Variants in DNAJA3 observed in about 807,000 individuals in gnomAD.
DNAJA3 encodes the protein dnaJ homolog subfamily A member 3, mitochondrial.
In DNAJA3, 29 loss-of-function variants were observed where a neutral mutation model predicts 54.9. The observed-to-expected ratio is 0.53, with a 90% CI of 0.39 to 0.72. The LOEUF is 0.72. Among genes scored for constraint, DNAJA3 ranks in the 30% least tolerant of loss-of-function variants. DNAJA3 has a pLI of 0.00. For synonymous variants in DNAJA3, 302 were observed against 251.4 expected (o/e 1.20, Z -1.90); for missense variants, 708 against 639.4 (o/e 1.11, Z -1.16).
At chr16:4,441,667 A>G in intron 4 of DNAJA3, 92 bp downstream of exon 4, 3 of 1,357,912 alleles carry the variant, frequency 2.2e-6, no homozygotes, top group Non-Finnish European at 3.0e-6. Context: ...CAGAAAGGCA[A>G]GGCAGCTTAA....
At chr16:4,448,939 T>C in intron 9 of DNAJA3, 91 bp downstream of exon 9, 1 of 903,368 alleles carries the variant, frequency 1.1e-6, no homozygotes, top group South Asian at 1.4e-5. Context: ...TACTGCTCCC[T>C]GTAAGTCAGG....
At chr16:4,453,965 G>A (rs905445923) in intron 10 of DNAJA3, among the ~76,000 whole-genome samples, 8 of 152,210 alleles carry the variant, frequency 5.3e-5, no homozygotes, top group Non-Finnish European at 1.0e-4. Context: ...CAACAAAAGT[G>A]TGCACTCCTT....
At chr16:4,443,913 C>T (rs1314789255) in intron 6 of DNAJA3, among the ~76,000 whole-genome samples, 1 of 152,190 alleles carries the variant, frequency 6.6e-6, no homozygotes, top group Non-Finnish European at 1.5e-5. Context: ...GTCTCGATCT[C>T]CTGACCTCGT....
chr16:4,441,587 A>G lies in DNAJA3; in HGVS notation c.630+12A>G. 1 of 1,611,592 alleles carries G rather than the reference A, an allele frequency of 6.2e-7. No individual in the cohort carries two copies. Among genetic ancestry groups the G allele is most frequent in the Non-Finnish European group, 8.5e-7 (1 of 1,179,158 alleles). The stretch of plus-strand genomic sequence containing the variant: ...ATCAGCCTCAGGAAGTAAGTTCCTC[A>G]CTTGGAAGAATTATTCAAATTTTAG... On this transcript the variant is annotated intron_variant, in intron 4 of 11. Coordinates refer to ENST00000262375, the MANE Select transcript of DNAJA3 (RefSeq NM_005147.6).
intron 6 of DNAJA3, 33 bp downstream of exon 6, chr16:4,443,197 T>C (rs1232509160): frequency 1.7e-5 from 28 of 1,612,174 alleles, no homozygotes; most frequent in Non-Finnish European, 2.2e-5. Flanking sequence ...TCCAGGAGCT[T>C]GGAGAGGGCA....
intron 2 of DNAJA3, among the ~76,000 whole-genome samples, chr16:4,436,802 C>G (rs1286698058): frequency 6.6e-6 from 1 of 152,188 alleles, no homozygotes; most frequent in Non-Finnish European, 1.5e-5. Context: ...TCTCAAAGTG[C>G]TGGGATAACA....
chr16:4,442,397 C>T lies in DNAJA3; in HGVS notation c.760C>T (p.His254Tyr), dbSNP rs1321986795. The T allele has an allele frequency of 6.2e-7, 1 of 1,606,168 alleles. No individual in the cohort carries two copies. Among genetic ancestry groups the T allele is most frequent in the Non-Finnish European group, 8.5e-7 (1 of 1,175,908 alleles). ...NEPGTKVQHC[H>Y]YCGGSGMETI... ...GCCCGGCACCAAGGTGCAGCATTGC[C>T]ACTACTGTGGCGGCTCCGGCATGGT... is the stretch of plus-strand genomic sequence containing the variant. Residue 254 changes from histidine (H) to tyrosine (Y), a missense_variant, in exon 5 of 12, where the codon CAC becomes TAC. Physicochemically the swap from His to Tyr is moderately conservative, Grantham distance 83. Coordinates refer to ENST00000262375, the MANE Select transcript of DNAJA3 (RefSeq NM_005147.6).
At position 4,450,461 on chromosome 16, in the gene DNAJA3, G is replaced by T; in HGVS notation, c.1303G>T (p.Glu435Ter). The stretch of plus-strand genomic sequence containing the variant: ...CTACGCCGAGGACGAGACAGATGTG[G>T]AGGGGACGGTGAACGGCGTCACCCT... ...LSYAEDETDV[E>*]GTVNGVTLTS... The change falls in exon 10 of 12, where the codon GAG becomes TAG. Residue 435 changes from glutamate (E) to a stop codon, truncating the protein, a stop_gained. Transcript: ENST00000262375. LOFTEE classifies it high-confidence loss of function. The T allele has an allele frequency of 6.2e-7, 1 of 1,612,166 alleles. No homozygotes were observed. The highest frequency in any genetic ancestry group is 8.5e-7 in the Non-Finnish European group (1 of 1,179,346).
chr16:4,435,638 A>T (rs1207891071), intron 2 of DNAJA3, among the ~76,000 whole-genome samples: 1 of 152,166 alleles, frequency 6.6e-6, no homozygotes, highest in Non-Finnish European at 1.5e-5. Context: ...TTCAGGGTTC[A>T]TCTGTGTTAT....
Position 4,426,042 on chromosome 16 carries a change from C to T in DNAJA3, c.161C>T (p.Ser54Phe), listed in dbSNP as rs1478892541. The change falls in exon 1 of 12, where the codon TCT becomes TTT. Residue 54 changes from serine to phenylalanine, a missense_variant. By Grantham distance (155) the Ser-to-Phe change is radical. Transcript: ENST00000262375. ...SVPAFASSLT[S>F]CGPRALLTLR... is the part of the protein sequence containing the mutation. ...CCCGCCTTTGCGTCTTCCCTGACCTCTTGCGGCCCCCGAGCGCTGCTGACA... is the reference window on the plus strand; with the variant it reads ...CCCGCCTTTGCGTCTTCCCTGACCTTTTGCGGCCCCCGAGCGCTGCTGACA... 27 of 1,605,504 alleles carry T rather than the reference C, an allele frequency of 1.7e-5. No homozygotes were observed. The highest frequency in any genetic ancestry group is 2.3e-5 in the East Asian group (1 of 43,828).
chr16:4,443,511 G>T (rs1172402595), intron 6 of DNAJA3, among the ~76,000 whole-genome samples: 1 of 152,012 alleles, frequency 6.6e-6, no homozygotes, highest in African/African-American at 2.4e-5. Context: ...AGCCATCATT[G>T]TCCCTGCTGC....
At chr16:4,437,532 A>G (rs1476919589) in intron 3 of DNAJA3, 47 bp downstream of exon 3, 1 of 1,544,684 alleles carries the variant, frequency 6.5e-7, no homozygotes, top group Non-Finnish European at 8.9e-7. Context: ...AGCTATGTGT[A>G]TGAATCAAAG....
At chr16:4,444,350 T>C (rs189567430) in intron 6 of DNAJA3, among the ~76,000 whole-genome samples, 109 of 151,338 alleles carry the variant, frequency 7.2e-4, no homozygotes, top group South Asian at 2.9e-3. Context: ...CTTTTCTTTT[T>C]TTTTTTTTTT....
chr16:4,437,753 C>T (rs1443561860), intron 3 of DNAJA3: 1 of 332,014 alleles, frequency 3.0e-6, no homozygotes, highest in East Asian at 4.8e-5. Context: ...AGTTTGAGAC[C>T]AGCTTGGGCA....
At chr16:4,455,496 G>C in intron 11 of DNAJA3, 50 bp from the exon 12 acceptor site, 1 of 1,548,402 alleles carries the variant, frequency 6.5e-7, no homozygotes, top group South Asian at 1.2e-5. Flanking sequence ...ACAGGGGTGT[G>C]TTCCCTTGAA....
chr16:4,426,101 A>G lies in DNAJA3; in HGVS notation c.211+9A>G, dbSNP rs771291408. On this transcript the variant is annotated intron_variant, in intron 1 of 11. Coordinates refer to ENST00000262375, the MANE Select transcript of DNAJA3 (RefSeq NM_005147.6). The stretch of plus-strand genomic sequence containing the variant: ...TGGTGTCAGCCTTACAGGTGAGGGC[A>G]GGTTCCAACTTCCGAGTGGCGGTTT... The G allele has an allele frequency of 1.3e-5, 20 of 1,555,416 alleles. No individual in the cohort carries two copies. Among genetic ancestry groups the G allele is most frequent in the Middle Eastern group, 3.4e-4 (2 of 5,846 alleles).
intron 3 of DNAJA3, 150 bp from the exon 4 acceptor site, chr16:4,441,225 A>G: frequency 3.0e-6 from 2 of 658,708 alleles, no homozygotes; most frequent in Non-Finnish European, 2.6e-6. Context: ...TCTAGGTGCT[A>G]GTCACAGGCC....
chr16:4,435,473 G>A (rs749106821), intron 2 of DNAJA3, among the ~76,000 whole-genome samples: 7 of 152,126 alleles, frequency 4.6e-5, no homozygotes, highest in Non-Finnish European at 1.0e-4. Flanking sequence ...GTATTCATTA[G>A]CACTCCCCTT....
Position 4,425,904 on chromosome 16 carries a change from G to C in DNAJA3, c.23G>C (p.Arg8Pro). The change falls in exon 1 of 12, where the codon CGC becomes CCC. Residue 8 changes from arginine (R) to proline (P), a missense_variant. Transcript: ENST00000262375. MAARCST[R>P]WLLVVVGTPR... Reference sequence around the variant, plus strand: ...AAGATGGCTGCGCGGTGCTCCACACGCTGGTTGCTGGTGGTTGTGGGGACC... The same window carrying C: ...AAGATGGCTGCGCGGTGCTCCACACCCTGGTTGCTGGTGGTTGTGGGGACC... 3 of 1,543,510 alleles carry C rather than the reference G, an allele frequency of 1.9e-6. No homozygotes were observed. Among genetic ancestry groups the C allele is most frequent in the Non-Finnish European group, 2.6e-6 (3 of 1,145,694 alleles).
Sources: allele counts gnomAD v4.1 joint callset (sites outside exome capture counted in the v4.1 genomes callset), GRCh38; gene constraint gnomAD v4.1.1; transcripts MANE v1.5; gene names NCBI Gene and HGNC (gene_info 2026-07-23, HGNC 2026-07-21).